Variants in PCDHA6 observed in about 807,000 individuals in gnomAD.
The protein encoded by PCDHA6 is protocadherin alpha 6, also known as protocadherin alpha-6.
In PCDHA6, 55 loss-of-function variants were observed where a neutral mutation model predicts 60.3. That is an observed-to-expected ratio of 0.91 (90% confidence interval 0.73 to 1.14). The LOEUF (loss-of-function observed/expected upper bound fraction) is 1.14, where lower values mean the gene tolerates loss of function less well. PCDHA6 is among the 50% of genes most tolerant of loss of function. The probability of loss-of-function intolerance (pLI) is 0.00; values close to 1 mark genes in which losing one functional copy is unlikely to be tolerated. For synonymous variants in PCDHA6, 652 were observed against 557.9 expected (o/e 1.17, Z -2.38); for missense variants, 1,327 against 1,256.5 (o/e 1.06, Z -0.85).
intron 1 of PCDHA6, among the ~76,000 whole-genome samples, chr5:140,895,983 G>A (rs1186137755): frequency 1.3e-5 from 2 of 151,942 alleles, no homozygotes; most frequent in Non-Finnish European, 2.9e-5. Context: ...GCTAATTTTT[G>A]TATTTTAAGT....
intron 1 of PCDHA6, among the ~76,000 whole-genome samples, chr5:140,976,550 C>CATAA (rs782672542): frequency 1.5e-4 from 23 of 152,064 alleles, no homozygotes; most frequent in African/African-American, 4.6e-4. Flanking sequence ...GACCCTATCT[C>CATAA]ATAAATAAAT....
At chr5:140,892,623 C>T (rs2153438758) in intron 1 of PCDHA6, among the ~76,000 whole-genome samples, 1 of 152,114 alleles carries the variant, frequency 6.6e-6, no homozygotes, top group East Asian at 1.9e-4. Flanking sequence ...CCAGTTGGTA[C>T]ATAATAATTG....
intron 3 of PCDHA6, among the ~76,000 whole-genome samples, chr5:140,984,986 G>A (rs553872050): frequency 6.6e-6 from 1 of 152,080 alleles, no homozygotes; most frequent in African/African-American, 2.4e-5. Context: ...CCCCCAGGCT[G>A]GAGTCCAGTG....
chr5:140,850,776 G>A (rs2150497794), intron 1 of PCDHA6: 1 of 1,598,166 alleles, frequency 6.3e-7, no homozygotes, highest in South Asian at 1.1e-5. Context: ...GGTGTGCTCT[G>A]GCGAGGGTAA....
chr5:140,910,411 A>C (rs1554194248), intron 1 of PCDHA6, among the ~76,000 whole-genome samples: 2 of 152,062 alleles, frequency 1.3e-5, no homozygotes, highest in African/African-American at 4.8e-5. Flanking sequence ...CCACCTCGAG[A>C]TCCAATTATT....
chr5:140,916,092 A>T (rs1396935399), intron 1 of PCDHA6, among the ~76,000 whole-genome samples: 1 of 152,092 alleles, frequency 6.6e-6, no homozygotes, highest in Non-Finnish European at 1.5e-5. Flanking sequence ...GTCCACAGGG[A>T]ATCTGCCTGG....
intron 1 of PCDHA6, among the ~76,000 whole-genome samples, chr5:140,899,991 G>C (rs2067668603): frequency 6.6e-6 from 1 of 151,712 alleles, no homozygotes; most frequent in African/African-American, 2.4e-5. Context: ...GATTTTTTTT[G>C]TAGAGATGAG....
chr5:140,966,698 G>C, intron 1 of PCDHA6: 2 of 1,363,568 alleles, frequency 1.5e-6, no homozygotes, highest in Non-Finnish European at 1.9e-6. Flanking sequence ...CGGGGCCCGG[G>C]CGTGGGGCAC....
At chr5:140,983,882 A>G (rs1203287819) in intron 3 of PCDHA6, among the ~76,000 whole-genome samples, 2 of 152,224 alleles carry the variant, frequency 1.3e-5, no homozygotes, top group East Asian at 3.8e-4. Flanking sequence ...TTTACTGGCA[A>G]CTTTAAGGGC....
At chr5:140,915,626 GTCTCTCTCTC>G (rs57920489) in intron 1 of PCDHA6, among the ~76,000 whole-genome samples, 5 of 146,436 alleles carry the variant, frequency 3.4e-5, no homozygotes, top group Admixed American at 2.0e-4. Context: ...GTCTCTTTCT[GTCTCTCTCTC>G]TCTCTCTCTC....
At chr5:140,897,120 C>G (rs116233032) in intron 1 of PCDHA6, among the ~76,000 whole-genome samples, 4 of 152,134 alleles carry the variant, frequency 2.6e-5, no homozygotes, top group African/African-American at 9.7e-5. Context: ...TCTGTCCACA[C>G]CCCACTAAAC....
intron 1 of PCDHA6, among the ~76,000 whole-genome samples, chr5:140,944,243 A>C (rs1202248629): frequency 2.6e-5 from 4 of 152,208 alleles, no homozygotes; most frequent in Non-Finnish European, 2.9e-5. Context: ...GCTGGAGTGC[A>C]GTGATGTGAT....
At chr5:140,872,497 C>G (rs1554166232) in intron 1 of PCDHA6, among the ~76,000 whole-genome samples, 1 of 152,150 alleles carries the variant, frequency 6.6e-6, no homozygotes. Context: ...CCTAGTGGTG[C>G]ATGCCTGTAG....
chr5:140,966,545 G>T (rs1554228431), intron 1 of PCDHA6: 1 of 465,862 alleles, frequency 2.1e-6, no homozygotes, highest in East Asian at 3.5e-5. Context: ...CGACTCGGAG[G>T]CGAGCGGAGG....
intron 3 of PCDHA6, among the ~76,000 whole-genome samples, chr5:141,003,141 AGACTC>A (rs1554258926): frequency 1.3e-5 from 2 of 152,202 alleles, no homozygotes; most frequent in African/African-American, 4.8e-5. Flanking sequence ...GCCTTGGCAA[AGACTC>A]TGACCTGATC....
At chr5:140,841,059 A>C in intron 1 of PCDHA6, 1 of 449,736 alleles carries the variant, frequency 2.2e-6, no homozygotes, top group Non-Finnish European at 3.9e-6. Context: ...CTATTAAATT[A>C]TGATAAAGAA....
intron 1 of PCDHA6, chr5:140,841,844 C>T: frequency 6.2e-7 from 1 of 1,613,842 alleles, no homozygotes; most frequent in Non-Finnish European, 8.5e-7. Flanking sequence ...GCTTAGCTCT[C>T]ATGATTACTT....
chr5:140,901,175 T>C (rs2068484045), intron 1 of PCDHA6, among the ~76,000 whole-genome samples: 1 of 152,162 alleles, frequency 6.6e-6, no homozygotes, highest in African/African-American at 2.4e-5. Context: ...CTTCACTTTG[T>C]TGATTGTTTG....
At chr5:140,969,948 G>A (rs1206322511) in intron 1 of PCDHA6, among the ~76,000 whole-genome samples, 3 of 152,198 alleles carry the variant, frequency 2.0e-5, no homozygotes, top group African/African-American at 7.2e-5. Context: ...TGAAGCTAAA[G>A]TTTGCTTTGG....
Sources: allele counts gnomAD v4.1 joint callset (sites outside exome capture counted in the v4.1 genomes callset), GRCh38; gene constraint gnomAD v4.1.1; transcripts MANE v1.5; gene names NCBI Gene and HGNC (gene_info 2026-07-23, HGNC 2026-07-21).